Variants in LGMN observed in about 807,000 individuals in gnomAD.
The protein encoded by LGMN is legumain.
Under a neutral mutation model 56.8 loss-of-function variants are expected in LGMN, and 36 were observed. The observed-to-expected ratio is 0.63, with a 90% CI of 0.49 to 0.84. LGMN has a LOEUF of 0.84. Among genes scored for constraint, LGMN ranks in the 40% least tolerant of loss-of-function variants. The pLI is 0.00. For synonymous variants in LGMN, 199 were observed against 210.1 expected (o/e 0.95, Z 0.46); for missense variants, 446 against 556.1 (o/e 0.80, Z 1.99).
Position 92,716,118 on chromosome 14 carries a change from T to C in LGMN, c.404+18A>G. 2 of 1,549,450 alleles carry C rather than the reference T, an allele frequency of 1.3e-6. No individual in the cohort carries two copies. The highest frequency in any genetic ancestry group is 1.8e-6 in the Non-Finnish European group (2 of 1,126,988). Reference sequence around the variant, plus strand: ...CCAAGCCATTGAGAGAAGTGTAGTATCCGTAAACAGACATTACCTCTTCAG... The same window carrying C: ...CCAAGCCATTGAGAGAAGTGTAGTACCCGTAAACAGACATTACCTCTTCAG... On this transcript the variant is annotated intron_variant, in intron 5 of 13. Coordinates refer to ENST00000334869, the MANE Select transcript of LGMN (RefSeq NM_005606.7).
intron 1 of LGMN, among the ~76,000 whole-genome samples, chr14:92,737,103 A>G (rs1891343006): frequency 6.6e-6 from 1 of 152,146 alleles, no homozygotes; most frequent in Non-Finnish European, 1.5e-5. Context: ...CAGAAAGTAA[A>G]TATTTTTGGC....
intron 2 of LGMN, among the ~76,000 whole-genome samples, chr14:92,728,842 C>T (rs1190330368): frequency 6.6e-6 from 1 of 152,106 alleles, no homozygotes; most frequent in African/African-American, 2.4e-5. Context: ...TGCCTTAGCC[C>T]CACCCCCACA....
intron 13 of LGMN, 122 bp from the exon 14 acceptor site, chr14:92,704,483 G>T: frequency 9.5e-7 from 1 of 1,053,180 alleles, no homozygotes; most frequent in Non-Finnish European, 1.5e-6. Flanking sequence ...CTGTCACTGA[G>T]AACGTGGCTT....
rs748350937 is a variant in LGMN at position 92,722,379 on chromosome 14, G to A, written c.139-3535C>T. ...TGGGATCACTTGAGGTCAGGAGTTC[G>A]AGACCAGGCTGGCCAATATGGTAAA... On this transcript the variant is annotated intron_variant, in intron 2 of 13. Coordinates refer to ENST00000334869, the MANE Select transcript of LGMN (RefSeq NM_005606.7). Among the ~76,000 whole-genome samples the A allele has an allele frequency of 3.9e-5, 6 of 152,020 alleles. No individual in the cohort carries two copies. The East Asian group carries it at 5.8e-4, about 15-fold the overall frequency.
At chr14:92,721,756 A>T (rs185678759) in intron 2 of LGMN, among the ~76,000 whole-genome samples, 1 of 152,362 alleles carries the variant, frequency 6.6e-6, no homozygotes, top group East Asian at 1.9e-4. Context: ...AACAGCTGGA[A>T]AAATAAATTG....
intron 2 of LGMN, among the ~76,000 whole-genome samples, chr14:92,724,659 C>T (rs1374541729): frequency 6.6e-6 from 1 of 152,170 alleles, no homozygotes; most frequent in Non-Finnish European, 1.5e-5. Context: ...CAGAGCCCTC[C>T]GGAATGACAA....
At chr14:92,726,002 T>C (rs1001917135) in intron 2 of LGMN, among the ~76,000 whole-genome samples, 2 of 151,816 alleles carry the variant, frequency 1.3e-5, no homozygotes, top group African/African-American at 2.4e-5. Context: ...TTTGGGAGGC[T>C]GAGGCAGGTG....
At chr14:92,719,928 G>A (rs1009778887) in intron 2 of LGMN, among the ~76,000 whole-genome samples, 11 of 152,326 alleles carry the variant, frequency 7.2e-5, no homozygotes, top group African/African-American at 2.2e-4. Flanking sequence ...TGTGCCCAGC[G>A]ATTTGTCTCC....
At chr14:92,738,207 C>T (rs1289924196) in intron 1 of LGMN, among the ~76,000 whole-genome samples, 1 of 152,036 alleles carries the variant, frequency 6.6e-6, no homozygotes, top group African/African-American at 2.4e-5. Flanking sequence ...TTTACAAAAT[C>T]GAGTTAATCC....
At chr14:92,715,467 T>A (rs952040595) in intron 5 of LGMN, among the ~76,000 whole-genome samples, 1 of 152,196 alleles carries the variant, frequency 6.6e-6, no homozygotes, top group African/African-American at 2.4e-5. Flanking sequence ...CCGCCCACCT[T>A]GGCCTCCCAA....
intron 2 of LGMN, among the ~76,000 whole-genome samples, chr14:92,730,947 A>G (rs1566931980): frequency 2.0e-5 from 3 of 148,428 alleles, no homozygotes; most frequent in Non-Finnish European, 3.0e-5. Context: ...AAAAAAAAAA[A>G]AAGAAGTTAT....
Position 92,713,784 on chromosome 14 carries a change from C to T in LGMN, c.543+39G>A, listed in dbSNP as rs368474453. 2.9e-5 allele frequency: 42 copies of T among 1,459,510 alleles called. No individual in the cohort carries two copies. In the African/African-American group the frequency reaches 4.6e-4, roughly 16 times the overall value. 90.4% of individuals were successfully genotyped at this position (1,459,510 alleles called of 1,614,324 possible). A position where few individuals can be genotyped will look rare whatever the true frequency, so the allele number is the denominator to read the frequency against. The stretch of plus-strand genomic sequence containing the variant: ...CTCTGCACTCACGGCTTTCCTCACA[C>T]CCCCCGCCCCCACAAGGCTGCCCCA... On this transcript the variant is annotated intron_variant, in intron 7 of 13. Coordinates refer to ENST00000334869, the MANE Select transcript of LGMN (RefSeq NM_005606.7).
At chr14:92,706,964 G>C (rs932355586) in intron 11 of LGMN, among the ~76,000 whole-genome samples, 2 of 152,188 alleles carry the variant, frequency 1.3e-5, no homozygotes, top group Non-Finnish European at 2.9e-5. Context: ...TGTGCCGTGA[G>C]GGTGCTGTGT....
rs773541755 is a variant in LGMN, at chr14:92,712,884, C to T, written c.544-13G>A. ...TGTAGAACACCATCTGTGAGGCAGA[C>T]GGGGCAGGTGAGCTCACCCCATCCA... On this transcript the variant is annotated splice_polypyrimidine_tract_variant and intron_variant, in intron 7 of 13. Coordinates refer to ENST00000334869, the MANE Select transcript of LGMN (RefSeq NM_005606.7). The T allele has an allele frequency of 1.6e-5, 26 of 1,612,438 alleles. No individual in the cohort carries two copies. Among genetic ancestry groups the T allele is most frequent in the South Asian group, 2.2e-5 (2 of 90,760 alleles).
At chr14:92,730,877 C>G (rs1249164986) in intron 2 of LGMN, among the ~76,000 whole-genome samples, 1 of 151,642 alleles carries the variant, frequency 6.6e-6, no homozygotes, top group Non-Finnish European at 1.5e-5. Context: ...CTGCAGTGAG[C>G]CGAGATCGCG....
intron 1 of LGMN, among the ~76,000 whole-genome samples, chr14:92,736,956 G>C (rs1891334919): frequency 6.6e-6 from 1 of 152,142 alleles, no homozygotes; most frequent in South Asian, 2.1e-4. Context: ...GCTCTTCAGT[G>C]ACCCCACAAG....
chr14:92,724,275 C>T (rs540142505), intron 2 of LGMN, among the ~76,000 whole-genome samples: 37 of 152,182 alleles, frequency 2.4e-4, no homozygotes, highest in Non-Finnish European at 4.4e-4. Context: ...GAGGTAAATG[C>T]TTTCATCCCC....
At chr14:92,712,909 AGGTAC>A in intron 7 of LGMN, 38 bp from the exon 8 acceptor site, 1 of 1,589,878 alleles carries the variant, frequency 6.3e-7, no homozygotes, top group Non-Finnish European at 8.6e-7. Flanking sequence ...CACCCCATCC[AGGTAC>A]GGGCCTCCAG....
chr14:92,732,478 C>T (rs1400477913), intron 2 of LGMN, 171 bp downstream of exon 2: 1 of 694,626 alleles, frequency 1.4e-6, no homozygotes, highest in Non-Finnish European at 2.4e-6. Context: ...CTCCTGGCAA[C>T]ATATGAGGGT....
Sources: gnomAD v4.1 joint callset for allele counts (sites outside exome capture counted in the v4.1 genomes callset) on GRCh38, gnomAD v4.1.1 for gene constraint, MANE v1.5 for transcripts, NCBI Gene and HGNC (gene_info 2026-07-23, HGNC 2026-07-21) for gene names.